The following GRM7 variants were observed in gnomAD, a reference collection of about 807,000 sequenced individuals.
GRM7 encodes glutamate metabotropic receptor 7.
A neutral mutation model predicts 84.5 loss-of-function variants in GRM7; 35 were observed. That is an observed-to-expected ratio of 0.41 (90% CI 0.32 to 0.55). The LOEUF (loss-of-function observed/expected upper bound fraction) is 0.55. GRM7 is among the 20% of genes least tolerant of loss of function. The pLI is 0.19. For synonymous variants in GRM7, 487 were observed against 455.1 expected (o/e 1.07, Z -0.89); for missense variants, 1,003 against 1,194.6 (o/e 0.84, Z 2.36).
At chr3:7,059,784 T>G (rs970609360) in intron 1 of GRM7, among the ~76,000 whole-genome samples, 1 of 151,790 alleles carries the variant, frequency 6.6e-6, no homozygotes, top group Non-Finnish European at 1.5e-5. Context: ...TAACCCCTTC[T>G]GCCATGTGAG....
chr3:7,690,001 ACC>A (rs1198274823), intron 9 of GRM7, among the ~76,000 whole-genome samples: 1 of 152,004 alleles, frequency 6.6e-6, no homozygotes, highest in African/African-American at 2.4e-5. Flanking sequence ...GGAGACCATC[ACC>A]CGGGATGTTT....
intron 2 of GRM7, among the ~76,000 whole-genome samples, chr3:7,222,581 G>C (rs1696846003): frequency 6.6e-6 from 1 of 152,126 alleles, no homozygotes; most frequent in Non-Finnish European, 1.5e-5. Flanking sequence ...CTGACACCTT[G>C]ATTTCAGCCT....
At chr3:6,864,089 G>A (rs1280323380) in intron 1 of GRM7, among the ~76,000 whole-genome samples, 2 of 152,162 alleles carry the variant, frequency 1.3e-5, no homozygotes, top group Non-Finnish European at 1.5e-5. Context: ...TAGCGTTAGC[G>A]TTATGGCTGG....
At chr3:7,170,232 T>G (rs1378370941) in intron 2 of GRM7, among the ~76,000 whole-genome samples, 3 of 152,168 alleles carry the variant, frequency 2.0e-5, no homozygotes, top group Non-Finnish European at 4.4e-5. Flanking sequence ...CTTAGCCATT[T>G]AAGTAGAATG....
At chr3:7,415,230 T>A in intron 5 of GRM7, 67 bp downstream of exon 5, 1 of 1,307,404 alleles carries the variant, frequency 7.6e-7, no homozygotes, top group Non-Finnish European at 1.1e-6. Context: ...TCTGCATAGC[T>A]GACAGAAGGA....
At chr3:6,998,646 C>T (rs560589467) in intron 1 of GRM7, among the ~76,000 whole-genome samples, 55 of 152,362 alleles carry the variant, frequency 3.6e-4, no homozygotes, top group African/African-American at 1.2e-3. Context: ...TGTTTCCATA[C>T]ATCCTATGAA....
intron 8 of GRM7, among the ~76,000 whole-genome samples, chr3:7,632,397 G>C (rs1053270032): frequency 6.6e-6 from 1 of 152,094 alleles, no homozygotes; most frequent in African/African-American, 2.4e-5. Flanking sequence ...AACACAAAAA[G>C]TAAAGGAATA....
At chr3:7,400,200 A>G (rs562587054) in intron 4 of GRM7, among the ~76,000 whole-genome samples, 6 of 152,208 alleles carry the variant, frequency 3.9e-5, no homozygotes, top group Non-Finnish European at 8.8e-5. Flanking sequence ...GCAGAACCTC[A>G]GTTCATTCAT....
chr3:6,952,911 A>G (rs1040254487), intron 1 of GRM7, among the ~76,000 whole-genome samples: 4 of 152,194 alleles, frequency 2.6e-5, no homozygotes, highest in African/African-American at 2.4e-5. Flanking sequence ...GGATTTTTCT[A>G]ATGTAGTCAT....
At chr3:7,199,925 G>A (rs1231983385) in intron 2 of GRM7, among the ~76,000 whole-genome samples, 1 of 152,168 alleles carries the variant, frequency 6.6e-6, no homozygotes, top group Admixed American at 6.5e-5. Flanking sequence ...AATACTTGAG[G>A]CTGAGTAATT....
chr3:7,093,730 T>C (rs891788666), intron 1 of GRM7, among the ~76,000 whole-genome samples: 1 of 145,276 alleles, frequency 6.9e-6, no homozygotes, highest in African/African-American at 2.5e-5. Flanking sequence ...TTAGTGGCCT[T>C]TGCTCTTTTA....
At chr3:7,121,827 C>T (rs367955090) in intron 1 of GRM7, among the ~76,000 whole-genome samples, 2 of 152,150 alleles carry the variant, frequency 1.3e-5, no homozygotes, top group South Asian at 2.1e-4. Flanking sequence ...TAATCCCCAA[C>T]GCAACATATT....
chr3:7,189,594 T>C (rs189490762), intron 2 of GRM7, among the ~76,000 whole-genome samples: 18 of 152,274 alleles, frequency 1.2e-4, no homozygotes, highest in African/African-American at 3.8e-4. Context: ...CAGCTGATTA[T>C]AGATAGAAAG....
At chr3:7,643,802 A>G (rs55846965) in intron 8 of GRM7, among the ~76,000 whole-genome samples, 1,780 of 152,170 alleles carry the variant, frequency 0.012, 35 homozygotes, top group African/African-American at 0.039. Flanking sequence ...ACATGTGGAG[A>G]AGGAGAGAAA....
chr3:6,861,446 G>C lies in GRM7; in HGVS notation c.58G>C (p.Val20Leu). 6.2e-7 allele frequency: 1 copy of C among 1,602,302 alleles called. No homozygotes were observed. The highest frequency in any genetic ancestry group is 8.5e-7 in the Non-Finnish European group (1 of 1,175,680). Residue 20 changes from valine (V) to leucine (L), a missense_variant, in exon 1 of 10, where the codon GTG becomes CTG. Val to Leu is a conservative substitution (Grantham distance 32). Around this residue, in one of 2 missense-constraint regions of GRM7, gnomAD observed 93 missense variants for 68.6 expected, o/e 1.36. Coordinates refer to ENST00000357716, the MANE Select transcript of GRM7 (RefSeq NM_000844.4). This position sits in a 1 kb window ranked among gnomAD's most constrained non-coding sequence, Gnocchi z 6.4. Reference protein sequence around the residue: ...VLTLMKFPCCVLEVLLCALAA... With the variant: ...VLTLMKFPCCLLEVLLCALAA... The stretch of plus-strand genomic sequence containing the variant: ...GACTTTGATGAAGTTCCCCTGCTGC[G>C]TGCTGGAGGTGCTCCTGTGCGCGCT...
intron 1 of GRM7, among the ~76,000 whole-genome samples, chr3:7,117,430 C>A (rs539014234): frequency 3.3e-5 from 5 of 152,282 alleles, no homozygotes; most frequent in African/African-American, 1.2e-4. Context: ...TAGACTAACC[C>A]ACGTGTATCT....
chr3:7,716,933 T>C (rs1023941346), intron 9 of GRM7, among the ~76,000 whole-genome samples: 2 of 152,168 alleles, frequency 1.3e-5, no homozygotes, highest in Non-Finnish European at 2.9e-5. Flanking sequence ...TTTTCAAAAA[T>C]ATATCACTGT....
intron 2 of GRM7, among the ~76,000 whole-genome samples, chr3:7,283,564 G>C (rs1190193292): frequency 6.6e-6 from 1 of 152,146 alleles, no homozygotes; most frequent in African/African-American, 2.4e-5. Flanking sequence ...TATAAGTTAA[G>C]ATTTTCCGTT....
intron 2 of GRM7, among the ~76,000 whole-genome samples, chr3:7,161,512 C>T (rs1283936200): frequency 6.6e-6 from 1 of 151,726 alleles, no homozygotes; most frequent in Non-Finnish European, 1.5e-5. Context: ...AAACCAGTTC[C>T]TTCCTTAGAA....
Sources: gnomAD v4.1 joint callset for allele counts (sites outside exome capture counted in the v4.1 genomes callset) on GRCh38, gnomAD v4.1.1 for gene constraint, gnomAD v4.1.1 regional missense constraint, Gnocchi (gnomAD v3.1) non-coding constraint, MANE v1.5 for transcripts, NCBI Gene and HGNC (gene_info 2026-07-23, HGNC 2026-07-21) for gene names.